RUNX1T1: variants seen among roughly 807,000 people sequenced by gnomAD.
RUNX1T1 encodes the protein protein CBFA2T1.
RUNX1T1 carries 4 observed loss-of-function variants against 62.8 expected under a neutral mutation model. That is an observed-to-expected ratio of 0.06 (90% CI 0.03 to 0.15). The LOEUF (loss-of-function observed/expected upper bound fraction) is 0.15, where lower values mean the gene tolerates loss of function less well. Among genes scored for constraint, RUNX1T1 ranks in the 10% least tolerant of loss-of-function variants. The pLI is 1.00. For missense variants in RUNX1T1, 508 were observed against 754.3 expected, an observed-to-expected ratio of 0.67 and a Z score of 3.82; for synonymous variants, 291 against 286.0, an observed-to-expected ratio of 1.02 and a Z score of -0.18.
chr8:92,082,829 AG>A (rs2130830925), intron 1 of RUNX1T1, among the ~76,000 whole-genome samples: 1 of 152,202 alleles, frequency 6.6e-6, no homozygotes, highest in South Asian at 2.1e-4. Context: ...AGGGTCCTGG[AG>A]GAAGAGTACT....
intron 8 of RUNX1T1, among the ~76,000 whole-genome samples, chr8:91,983,849 T>C (rs1563668932): frequency 6.6e-6 from 1 of 151,926 alleles, no homozygotes; most frequent in African/African-American, 2.4e-5. Context: ...TCCCAGAAAA[T>C]AGTACACAAG....
chr8:92,026,747 G>A (rs540500240), intron 1 of RUNX1T1, among the ~76,000 whole-genome samples: 33 of 152,020 alleles, frequency 2.2e-4, no homozygotes, highest in Non-Finnish European at 2.8e-4. Flanking sequence ...GCGTAAACCC[G>A]TGAGGTGGAG....
At chr8:91,961,601 G>C (rs1041778117) in intron 10 of RUNX1T1, among the ~76,000 whole-genome samples, 1 of 152,146 alleles carries the variant, frequency 6.6e-6, no homozygotes, top group African/African-American at 2.4e-5. Context: ...GCACCTTTTG[G>C]GGACAGGCCC....
chr8:92,016,927 C>T (rs905066497), intron 2 of RUNX1T1, among the ~76,000 whole-genome samples: 1 of 152,086 alleles, frequency 6.6e-6, no homozygotes, highest in Non-Finnish European at 1.5e-5. Context: ...TTAGAAGTTA[C>T]AGTGGTAACA....
At chr8:92,092,363 C>T (rs1837162911) in intron 1 of RUNX1T1, among the ~76,000 whole-genome samples, 1 of 151,980 alleles carries the variant, frequency 6.6e-6, no homozygotes, top group Non-Finnish European at 1.5e-5. Context: ...TTTCCCTGTC[C>T]ATAAAACTTA....
intron 1 of RUNX1T1, among the ~76,000 whole-genome samples, chr8:92,086,858 G>T (rs538406090): frequency 1.3e-5 from 2 of 152,258 alleles, no homozygotes; most frequent in African/African-American, 4.8e-5. Flanking sequence ...ACCCAACGCT[G>T]GTCATCCTTC....
chr8:92,095,531 T>C, intron 1 of RUNX1T1: 1 of 1,491,578 alleles, frequency 6.7e-7, no homozygotes, highest in Non-Finnish European at 8.9e-7. Flanking sequence ...ATCAGGGTGA[T>C]TACAATATCA....
chr8:92,091,175 A>G (rs1286663883), intron 1 of RUNX1T1, among the ~76,000 whole-genome samples: 2 of 152,170 alleles, frequency 1.3e-5, no homozygotes, highest in African/African-American at 2.4e-5. Context: ...CCTCTTCTAC[A>G]AGATCTATAT....
At chr8:91,972,042 T>C (rs1424121449) in intron 9 of RUNX1T1, among the ~76,000 whole-genome samples, 1 of 152,156 alleles carries the variant, frequency 6.6e-6, no homozygotes. Context: ...TAACACTCTA[T>C]TAAAACTAAT....
chr8:92,094,488 A>AT (rs941400762), intron 1 of RUNX1T1, among the ~76,000 whole-genome samples: 10 of 151,728 alleles, frequency 6.6e-5, no homozygotes, highest in South Asian at 2.1e-4. Context: ...ACTTGTAGTG[A>AT]TTTTTTTTTC....
intron 1 of RUNX1T1, among the ~76,000 whole-genome samples, chr8:92,039,428 T>C (rs968358727): frequency 6.6e-6 from 1 of 152,306 alleles, no homozygotes; most frequent in South Asian, 2.1e-4. Flanking sequence ...AAAACCTCCA[T>C]AACAGTTCCT....
At chr8:92,013,322 T>C (rs2131122927) in intron 3 of RUNX1T1, among the ~76,000 whole-genome samples, 1 of 152,330 alleles carries the variant, frequency 6.6e-6, no homozygotes, top group Non-Finnish European at 1.5e-5. Flanking sequence ...GTGAGAAACA[T>C]GGAAGTCTTT....
chr8:91,957,303 A>G (rs1055778614), downstream of RUNX1T1: 2 of 224,898 alleles, frequency 8.9e-6, no homozygotes, highest in Non-Finnish European at 1.8e-5. Context: ...TATGAGCTTA[A>G]CTTTTGGTAT....
intron 1 of RUNX1T1, among the ~76,000 whole-genome samples, chr8:92,080,250 C>T (rs1297099696): frequency 6.6e-6 from 1 of 152,134 alleles, no homozygotes; most frequent in Non-Finnish European, 1.5e-5. Context: ...CAATTCAATC[C>T]CCATGACTTT....
intron 2 of RUNX1T1, among the ~76,000 whole-genome samples, chr8:92,070,271 A>G (rs962826300): frequency 2.0e-5 from 3 of 152,224 alleles, no homozygotes; most frequent in African/African-American, 7.2e-5. Flanking sequence ...AAAAAGTTGG[A>G]GCTTGAAAGA....
chr8:91,958,675 T>C (rs1478361265), downstream of RUNX1T1: 3 of 174,086 alleles, frequency 1.7e-5, no homozygotes, highest in Non-Finnish European at 3.6e-5. Context: ...GACTACTCTA[T>C]GCTACAGCTA....
At chr8:92,003,854 A>G (rs867976724) in intron 5 of RUNX1T1, among the ~76,000 whole-genome samples, 45 of 152,348 alleles carry the variant, frequency 3.0e-4, no homozygotes, top group Middle Eastern at 6.8e-3. Context: ...CAAGAATAAG[A>G]AAGTAGCTCT....
intron 1 of RUNX1T1, among the ~76,000 whole-genome samples, chr8:92,032,542 A>T (rs1461992053): frequency 6.6e-6 from 1 of 152,246 alleles, no homozygotes; most frequent in African/African-American, 2.4e-5. Flanking sequence ...AAGTAAAAGG[A>T]AAGTAAAAAG....
upstream of RUNX1T1, chr8:92,102,977 G>T (rs1838110843): frequency 5.8e-6 from 8 of 1,385,922 alleles, no homozygotes; most frequent in Non-Finnish European, 6.7e-6. This position sits in a 1 kb window ranked among gnomAD's most constrained non-coding sequence, Gnocchi z 4.5. Context: ...CTTCCCTCGC[G>T]AGGCCAGAGT....
Sources: gnomAD v4.1 joint callset for allele counts (sites outside exome capture counted in the v4.1 genomes callset) on GRCh38, gnomAD v4.1.1 for gene constraint, Gnocchi (gnomAD v3.1) non-coding constraint, MANE v1.5 for transcripts, NCBI Gene and HGNC (gene_info 2026-07-23, HGNC 2026-07-21) for gene names.